WDR25: variants seen among roughly 807,000 people sequenced by gnomAD.
The protein encoded by WDR25 is WD repeat domain 25.
Under a neutral mutation model 47.7 loss-of-function variants are expected in WDR25, and 35 were observed. The observed-to-expected ratio is 0.73, with a 90% CI of 0.56 to 0.97. WDR25 has a LOEUF of 0.97. WDR25 is among the 50% of genes least tolerant of loss of function. The pLI is 0.00. For missense variants in WDR25, 634 were observed against 704.7 expected (o/e 0.90, Z 1.14); for synonymous variants, 248 against 278.9 (o/e 0.89, Z 1.10).
chr14:100,490,369 G>A (rs1900523522), intron 4 of WDR25, among the ~76,000 whole-genome samples: 1 of 152,336 alleles, frequency 6.6e-6, no homozygotes, highest in Admixed American at 6.5e-5. Context: ...AAAATCACAA[G>A]CAATTATCCT....
intron 2 of WDR25, among the ~76,000 whole-genome samples, chr14:100,441,890 A>G (rs1294974925): frequency 6.6e-6 from 1 of 152,196 alleles, no homozygotes; most frequent in South Asian, 2.1e-4. Context: ...AAGGCCTTGC[A>G]CTGACTCTCT....
In WDR25 at chr14:100,499,551, G is replaced by A. The variant is rs989435218; in HGVS notation, c.1101+15427G>A. 6.6e-6 allele frequency among the ~76,000 whole-genome samples: 1 copy of A among 152,202 alleles called. No individual in the cohort carries two copies. Among genetic ancestry groups the A allele is most frequent in the African/African-American group, 2.4e-5 (1 of 41,446 alleles). ...AATGGGTTCATTTGTTAGTTTGCTT[G>A]TTTTCAGTGTAGGTGAGACTTATGC... On this transcript the variant is annotated intron_variant, in intron 4 of 6. Coordinates refer to ENST00000402312, the MANE Select transcript of WDR25 (RefSeq NM_001161476.3). This position sits in a 1 kb window ranked among gnomAD's most constrained non-coding sequence, Gnocchi z 4.4.
At chr14:100,434,992 C>G (rs1898457506) in intron 2 of WDR25, among the ~76,000 whole-genome samples, 1 of 152,176 alleles carries the variant, frequency 6.6e-6, no homozygotes, top group African/African-American at 2.4e-5. Flanking sequence ...CTGTTGTGGT[C>G]TCCATTTTGG....
chr14:100,463,560 CA>C (rs1899501329), intron 2 of WDR25, among the ~76,000 whole-genome samples: 1 of 152,206 alleles, frequency 6.6e-6, no homozygotes, highest in Non-Finnish European at 1.5e-5. Context: ...GTCCTGTCTG[CA>C]CTTGCTCCCT....
chr14:100,408,130 C>T (rs1012773603), intron 2 of WDR25, among the ~76,000 whole-genome samples: 26 of 152,044 alleles, frequency 1.7e-4, no homozygotes, highest in Admixed American at 6.5e-4. Flanking sequence ...CCTATAGGAA[C>T]GGGGAGCCAT....
chr14:100,496,047 T>C (rs932857769), intron 4 of WDR25, among the ~76,000 whole-genome samples: 2 of 152,242 alleles, frequency 1.3e-5, no homozygotes, highest in Non-Finnish European at 2.9e-5. Context: ...CCAAAGTGGT[T>C]GCACCATTTT....
Position 100,529,229 on chromosome 14 carries a change from C to T in WDR25, c.1413+21C>T. 6.2e-7 allele frequency: 1 copy of T among 1,612,432 alleles called. No homozygotes were observed. The highest frequency in any genetic ancestry group is 1.3e-5 in the African/African-American group (1 of 75,048). ...ACAAGGTACTTCTGTCCTTGTCCCCCAGGCGAATGCTGAGCCCCAGCCCCA... is the reference window on the plus strand; with the variant it reads ...ACAAGGTACTTCTGTCCTTGTCCCCTAGGCGAATGCTGAGCCCCAGCCCCA... On this transcript the variant is annotated intron_variant, in intron 6 of 6. Transcript: ENST00000402312. This position sits in a 1 kb window ranked among gnomAD's most constrained non-coding sequence, Gnocchi z 5.1.
intron 2 of WDR25, among the ~76,000 whole-genome samples, chr14:100,462,629 C>T (rs981505703): frequency 6.6e-6 from 1 of 152,212 alleles, no homozygotes; most frequent in Non-Finnish European, 1.5e-5. Flanking sequence ...ATTGATGGAT[C>T]TCCTTACATG....
At position 100,471,768 on chromosome 14, in the gene WDR25, C is replaced by T. The variant is rs866427311; in HGVS notation, c.970+3600C>T. Among the ~76,000 whole-genome samples, 8 of 152,180 alleles carry T rather than the reference C, an allele frequency of 5.3e-5. No individual in the cohort carries two copies. In the South Asian group the frequency reaches 6.2e-4, roughly 12 times the overall value. On this transcript the variant is annotated intron_variant, in intron 3 of 6. Coordinates refer to ENST00000402312, the MANE Select transcript of WDR25 (RefSeq NM_001161476.3). ...TAATGTCAATACCTGGCCTGAAATACGGAGGGCCAGCACCATTTTATCTCA... is the reference window on the plus strand; with the variant it reads ...TAATGTCAATACCTGGCCTGAAATATGGAGGGCCAGCACCATTTTATCTCA...
intron 2 of WDR25, among the ~76,000 whole-genome samples, chr14:100,426,303 A>G (rs1344047585): frequency 3.9e-5 from 6 of 152,220 alleles, no homozygotes; most frequent in Non-Finnish European, 7.3e-5. Context: ...TGGGAAATCA[A>G]CCTGAGAATG....
intron 2 of WDR25, among the ~76,000 whole-genome samples, chr14:100,416,198 C>T (rs952061645): frequency 1.3e-5 from 2 of 152,186 alleles, no homozygotes; most frequent in African/African-American, 4.8e-5. Flanking sequence ...CGTTTGGTTT[C>T]TCCCTGTGAA....
At chr14:100,480,963 A>G in intron 3 of WDR25, 1 of 415,634 alleles carries the variant, frequency 2.4e-6, no homozygotes, top group South Asian at 1.9e-5. Flanking sequence ...CCCAAGAGGA[A>G]GGTCAGCTCT....
intron 2 of WDR25, among the ~76,000 whole-genome samples, chr14:100,400,358 G>C (rs1897348739): frequency 6.6e-6 from 1 of 152,210 alleles, no homozygotes; most frequent in Admixed American, 6.5e-5. Flanking sequence ...CAGTGGAGCT[G>C]GTTTATGATG....
At position 100,403,304 on chromosome 14, in the gene WDR25, G is replaced by C. The variant is rs143381414; in HGVS notation, c.822+21558G>C. Among the ~76,000 whole-genome samples, 763 of 152,312 alleles carry C rather than the reference G, an allele frequency of 5.0e-3. 7 individuals are homozygous for C. Among genetic ancestry groups the C allele is most frequent in the African/African-American group, 0.017 (724 of 41,570 alleles). On this transcript the variant is annotated intron_variant, in intron 2 of 6. Transcript: ENST00000402312. ...AGCCTTGCCGTGGGAAGCAAAGCGG[G>C]CCTGGGCTGCCTTGAATTAGAATGA...
chr14:100,461,280 AG>A (rs1470295994), intron 2 of WDR25, among the ~76,000 whole-genome samples: 2 of 152,228 alleles, frequency 1.3e-5, no homozygotes, highest in African/African-American at 4.8e-5. Flanking sequence ...AGTACTAAAA[AG>A]TGAGTTTAGT....
chr14:100,398,094 TC>T (rs1480369772), intron 2 of WDR25, among the ~76,000 whole-genome samples: 2 of 152,204 alleles, frequency 1.3e-5, no homozygotes, highest in Non-Finnish European at 2.9e-5. Flanking sequence ...CGCCTTGGCC[TC>T]CCAAAGTGCT....
chr14:100,412,591 C>T lies in WDR25; in HGVS notation c.822+30845C>T, dbSNP rs573034493. 1.6e-4 allele frequency among the ~76,000 whole-genome samples: 25 copies of T among 152,204 alleles called. 1 individual carries two copies. In the South Asian group the frequency reaches 5.0e-3, roughly 30 times the overall value. ...TACAGACATCCAGTTGTTTCTTCAA[C>T]GTCTCTACATGTATATGTGTTTAGG... On this transcript the variant is annotated intron_variant, in intron 2 of 6. Transcript: ENST00000402312.
intron 2 of WDR25, among the ~76,000 whole-genome samples, chr14:100,467,432 G>A (rs1188173342): frequency 6.6e-6 from 1 of 152,204 alleles, no homozygotes; most frequent in Non-Finnish European, 1.5e-5. Context: ...ACTCCCACCC[G>A]GCTGCAGGGA....
At chr14:100,487,561 C>T (rs1412431913) in intron 4 of WDR25, 2 of 152,240 alleles carry the variant, frequency 1.3e-5, no homozygotes, top group African/African-American at 4.8e-5. Flanking sequence ...ATTCTGACAT[C>T]TGTCACCCTA....
Sources: gnomAD v4.1 joint callset for allele counts (sites outside exome capture counted in the v4.1 genomes callset) on GRCh38, gnomAD v4.1.1 for gene constraint, Gnocchi (gnomAD v3.1) non-coding constraint, MANE v1.5 for transcripts, NCBI Gene and HGNC (gene_info 2026-07-23, HGNC 2026-07-21) for gene names.